The following MDGA1 variants were observed in gnomAD, a reference collection of about 807,000 sequenced individuals.
MDGA1 encodes the protein MAM domain containing glycosylphosphatidylinositol anchor 1.
In MDGA1, 54 loss-of-function variants were observed where a neutral mutation model predicts 101.5. That is an observed-to-expected ratio of 0.53 (90% CI 0.43 to 0.67). The LOEUF is 0.67. Ranked by LOEUF, MDGA1 falls within the 30% of genes least tolerant of loss-of-function variation. The pLI, the probability that MDGA1 is intolerant of heterozygous loss-of-function variation, is 0.00. For missense variants in MDGA1, 1,083 were observed against 1,323.8 expected (o/e 0.82, Z 2.82); for synonymous variants, 533 against 558.3 (o/e 0.95, Z 0.64).
chr6:37,650,003 T>G, intron 8 of MDGA1, 106 bp downstream of exon 8: 1 of 1,326,836 alleles, frequency 7.5e-7, no homozygotes, highest in Non-Finnish European at 1.1e-6. Flanking sequence ...GAGTAGCTGG[T>G]GGGGTTTGGT....
At chr6:37,671,909 C>T (rs1761878002) in intron 1 of MDGA1, among the ~76,000 whole-genome samples, 1 of 152,114 alleles carries the variant, frequency 6.6e-6, no homozygotes, top group African/African-American at 2.4e-5. Flanking sequence ...GGGAGGCCAA[C>T]GTAGGAGGAT....
intron 9 of MDGA1, among the ~76,000 whole-genome samples, chr6:37,647,565 G>T (rs1237973652): frequency 6.6e-6 from 1 of 151,910 alleles, no homozygotes; most frequent in Admixed American, 6.6e-5. Flanking sequence ...TCCAAGAGGT[G>T]ATATTGGTGA....
At chr6:37,682,345 G>A (rs566553010) in intron 1 of MDGA1, among the ~76,000 whole-genome samples, 11 of 152,314 alleles carry the variant, frequency 7.2e-5, no homozygotes, top group East Asian at 1.9e-4. Flanking sequence ...TTAGCTGGGC[G>A]TGGTGGCGGG....
chr6:37,692,151 C>G (rs1262771238), intron 1 of MDGA1, among the ~76,000 whole-genome samples: 1 of 152,138 alleles, frequency 6.6e-6, no homozygotes, highest in Non-Finnish European at 1.5e-5. Flanking sequence ...CACAGGAGCC[C>G]AGGAAAGGCA....
chr6:37,654,620 A>C, intron 5 of MDGA1, 77 bp from the exon 6 acceptor site: 2 of 1,602,412 alleles, frequency 1.2e-6, no homozygotes, highest in Non-Finnish European at 1.7e-6. Context: ...GGCTAGGAAA[A>C]CCATAGAGGC....
At chr6:37,658,529 C>A (rs1315401758) in intron 2 of MDGA1, 110 bp from the exon 3 acceptor site, 2 of 1,165,038 alleles carry the variant, frequency 1.7e-6, no homozygotes, top group Non-Finnish European at 2.4e-6. Flanking sequence ...TTTTCACAAG[C>A]GCACGTGGGG....
At position 37,635,332 on chromosome 6, in the gene MDGA1, G is replaced by A; in HGVS notation, c.*2036C>T. 1 of 397,906 alleles carries A rather than the reference G, an allele frequency of 2.5e-6. No individual in the cohort carries two copies. Among genetic ancestry groups the A allele is most frequent in the Non-Finnish European group, 4.4e-6 (1 of 226,148 alleles). 24.6% of individuals were successfully genotyped at this position (397,906 alleles called of 1,614,324 possible). A position where few individuals can be genotyped will look rare whatever the true frequency, so the allele number is the denominator to read the frequency against. ...GAGCGGGAGGTGGCGAAGGTGGAGGGGGGACTTGGAAGGCTCAGAGGAGGA... is the reference window on the plus strand; with the variant it reads ...GAGCGGGAGGTGGCGAAGGTGGAGGAGGGACTTGGAAGGCTCAGAGGAGGA... On this transcript the variant is annotated 3_prime_UTR_variant, in exon 17 of 17. Transcript: ENST00000434837.
intron 1 of MDGA1, among the ~76,000 whole-genome samples, chr6:37,686,569 G>A (rs1051753864): frequency 3.3e-5 from 5 of 151,982 alleles, no homozygotes; most frequent in African/African-American, 9.7e-5. Flanking sequence ...TGGGATTACA[G>A]GTGTCCGCCA....
Position 37,655,728 on chromosome 6 carries a change from AC to A in MDGA1, c.550del (p.Val184LeufsTer16), listed in dbSNP as rs1299889022. ...AGTGTAGAGGGGCTCATAGATGTCA[AC>A]CCCATTGTCCTGGCTGTGGGATAGG... ...DTLSHSQDNG[V>X]DIYEPLYTQG... On this transcript the variant is annotated frameshift_variant, in exon 4 of 17. Transcript: ENST00000434837. LOFTEE classifies it high-confidence loss of function. The surrounding 1 kb of genome is among the most constrained non-coding windows in gnomAD (Gnocchi z 5.1). The A allele has an allele frequency of 1.9e-6, 3 of 1,612,160 alleles. No homozygotes were observed. Among genetic ancestry groups the A allele is most frequent in the Non-Finnish European group, 2.5e-6 (3 of 1,179,142 alleles).
intron 9 of MDGA1, 146 bp from the exon 10 acceptor site, chr6:37,647,470 G>T: frequency 1.7e-6 from 1 of 578,046 alleles, no homozygotes; most frequent in Non-Finnish European, 3.0e-6. Context: ...TTGTGAGGTG[G>T]GGAACGTTGG....
chr6:37,655,015 C>T lies in MDGA1; in HGVS notation c.580-83G>A. On this transcript the variant is annotated intron_variant, in intron 4 of 16. Coordinates refer to ENST00000434837, the MANE Select transcript of MDGA1 (RefSeq NM_153487.4). This position sits in a 1 kb window ranked among gnomAD's most constrained non-coding sequence, Gnocchi z 5.1. ...ATACTCATTCACCCAGCACCAGAGC[C>T]TACCACAAATGCCTGTCTAATTCCT... 1 of 1,518,600 alleles carries T rather than the reference C, an allele frequency of 6.6e-7. No individual in the cohort carries two copies. The allele number at this position is 1,518,600 out of a possible 1,614,324, so 94.1% of individuals were successfully genotyped here. A position where few individuals can be genotyped will look rare whatever the true frequency, so the allele number is the denominator to read the frequency against.
rs977805119 is a variant in MDGA1 at position 37,696,483 on chromosome 6, A to C, written c.67+262T>G. Among the ~76,000 whole-genome samples, 1 of 152,092 alleles carries C rather than the reference A, an allele frequency of 6.6e-6. No homozygotes were observed. The highest frequency in any genetic ancestry group is 1.9e-4 in the East Asian group (1 of 5,166). ...CGACCGGGTGCTCTCAAGGGTTCCT[A>C]ATCATTCCCACCTCTAGCAGGGTGT... On this transcript the variant is annotated intron_variant, in intron 1 of 16. Transcript: ENST00000434837. The surrounding 1 kb of genome is among the most constrained non-coding windows in gnomAD (Gnocchi z 5.6).
At chr6:37,686,628 T>C (rs1289027576) in intron 1 of MDGA1, among the ~76,000 whole-genome samples, 1 of 152,160 alleles carries the variant, frequency 6.6e-6, no homozygotes, top group African/African-American at 2.4e-5. Context: ...GGTTTCACCA[T>C]GTTGCCCAGG....
chr6:37,655,248 C>A lies in MDGA1; in HGVS notation c.580-316G>T. The A allele has an allele frequency of 2.4e-6, 1 of 420,962 alleles. No individual in the cohort carries two copies. The highest frequency in any genetic ancestry group is 4.3e-6 in the Non-Finnish European group (1 of 234,106). The allele number at this position is 420,962 out of a possible 1,614,324, so 26.1% of individuals were successfully genotyped here. On this transcript the variant is annotated intron_variant, in intron 4 of 16. Transcript: ENST00000434837. The surrounding 1 kb of genome is among the most constrained non-coding windows in gnomAD (Gnocchi z 5.1). ...AAGAAGGGAACTTACTCGTACAACC[C>A]ACACAAACATGGGGCTGGCCTGCAG...
chr6:37,680,145 G>A lies in MDGA1; in HGVS notation c.68-16039C>T, dbSNP rs372682383. On this transcript the variant is annotated intron_variant, in intron 1 of 16. Coordinates refer to ENST00000434837, the MANE Select transcript of MDGA1 (RefSeq NM_153487.4). ...CCCCTCCCGGGGGCGGGGGTGGGGCGCTGACACACCAGGGAAGGCAAAGGT... is the reference window on the plus strand; with the variant it reads ...CCCCTCCCGGGGGCGGGGGTGGGGCACTGACACACCAGGGAAGGCAAAGGT... 5.2e-3 allele frequency among the ~76,000 whole-genome samples: 796 copies of A among 152,254 alleles called. 11 individuals are homozygous for A. The highest frequency in any genetic ancestry group is 0.018 in the African/African-American group (752 of 41,526).
rs139236497 is a variant in MDGA1 at position 37,659,712 on chromosome 6, C to G, written c.208-1293G>C. Among the ~76,000 whole-genome samples, 109 of 152,250 alleles carry G rather than the reference C, an allele frequency of 7.2e-4. 2 individuals are homozygous for G. The South Asian group carries it at 0.015, about 21-fold the overall frequency. ...GGGTGAAAGGGCAACCTTTCTCATG[C>G]AGGGAGGGACCACCCAGGACCACAG... On this transcript the variant is annotated intron_variant, in intron 2 of 16. Transcript: ENST00000434837.
At position 37,645,944 on chromosome 6, in the gene MDGA1, G is replaced by A. The variant is rs774672732; in HGVS notation, c.2237C>T (p.Pro746Leu). The change falls in exon 12 of 17, where the codon CCG (proline) becomes CTG (leucine). Residue 746 changes from proline (P) to leucine (L), a missense_variant. Pro to Leu is a moderately conservative substitution (Grantham distance 98, BLOSUM62 -3). Transcript: ENST00000434837. Reference protein sequence around the residue: ...IIHYTEPINSPNLSDNTCHFE... With the variant: ...IIHYTEPINSLNLSDNTCHFE... ...CTGGGGAGTCTCACCTGAAAGGTTC[G>A]GAGAGTTGATGGCTGAGAAAGCAAG... The A allele has an allele frequency of 9.9e-6, 16 of 1,613,882 alleles. No homozygotes were observed. Among genetic ancestry groups the A allele is most frequent in the East Asian group, 4.5e-5 (2 of 44,900 alleles).
At chr6:37,674,280 A>G (rs1334260005) in intron 1 of MDGA1, among the ~76,000 whole-genome samples, 1 of 152,262 alleles carries the variant, frequency 6.6e-6, no homozygotes, top group African/African-American at 2.4e-5. Flanking sequence ...CACTGAATAC[A>G]GCAACCAGCC....
chr6:37,658,277 G>C lies in MDGA1; in HGVS notation c.350C>G (p.Pro117Arg). The C allele has an allele frequency of 6.2e-7, 1 of 1,606,958 alleles. No individual in the cohort carries two copies. Among genetic ancestry groups the C allele is most frequent in the African/African-American group, 1.3e-5 (1 of 74,954 alleles). ...GTCCACGCGGATGGACTTGATGGCCGGCACCCCCACGCCGTTCTCAGCCTT... is the reference window on the plus strand; with the variant it reads ...GTCCACGCGGATGGACTTGATGGCCCGCACCCCCACGCCGTTCTCAGCCTT... ...YCKAENGVGVPAIKSIRVDVQ... is the reference protein window; with the variant it reads ...YCKAENGVGVRAIKSIRVDVQ... The change falls in exon 3 of 17, where the codon CCG becomes CGG. Residue 117 changes from proline (P) to arginine (R), a missense_variant. Transcript: ENST00000434837.
Sources: allele counts gnomAD v4.1 joint callset (sites outside exome capture counted in the v4.1 genomes callset), GRCh38; gene constraint gnomAD v4.1.1; non-coding constraint Gnocchi (gnomAD v3.1); transcripts MANE v1.5; gene names NCBI Gene and HGNC (gene_info 2026-07-23, HGNC 2026-07-21).